Variants in KLC3 observed in about 807,000 individuals in gnomAD.
KLC3 encodes the protein kinesin light chain 2.
Under a neutral mutation model 62.9 loss-of-function variants are expected in KLC3, and 72 were observed. The ratio of observed to expected loss-of-function variants is 1.15; its 90% confidence interval spans 0.95 to 1.39. The LOEUF is 1.39. KLC3 is among the 40% of genes most tolerant of loss of function. The pLI is 0.00. For missense variants in KLC3, 848 were observed against 691.6 expected (o/e 1.23, Z -2.54); for synonymous variants, 377 against 300.5 (o/e 1.25, Z -2.63).
chr19:45,350,320 C>T, intron 8 of KLC3, 21 bp from the exon 9 acceptor site: 1 of 1,608,798 alleles, frequency 6.2e-7, no homozygotes, highest in Non-Finnish European at 8.5e-7. Flanking sequence ...GAAAAGTTCC[C>T]AGACACTCCC....
Position 45,345,682 on chromosome 19 carries a change from CCTGGCGGAGGCCCTGGCGGGACAG to C in KLC3, c.142_165del (p.Leu48_Gln55del), listed in dbSNP as rs1250042370. 1 of 1,576,262 alleles carries C rather than the reference CCTGGCGGAGGCCCTGGCGGGACAG, an allele frequency of 6.3e-7. No homozygotes were observed. Among genetic ancestry groups the C allele is most frequent in the African/African-American group, 1.3e-5 (1 of 74,456 alleles). On this transcript the variant is annotated inframe_deletion, in exon 2 of 13. Coordinates refer to ENST00000391946, the MANE Select transcript of KLC3 (RefSeq NM_177417.3). Reference sequence around the variant, plus strand: ...CAGAGCACCATGGCCTGGCTGGGCACCTGGCGGAGGCCCTGGCGGGACAGGGCCCGGCAGCCGGCTTGGAGATGC... The same window carrying C: ...CAGAGCACCATGGCCTGGCTGGGCACGGCCCGGCAGCCGGCTTGGAGATGC...
Position 45,346,644 on chromosome 19 carries a change from GGGAGGAACT to G in KLC3, c.366_374del (p.Leu123_Glu125del). 1 of 1,555,480 alleles carries G rather than the reference GGGAGGAACT, an allele frequency of 6.4e-7. No individual in the cohort carries two copies. Among genetic ancestry groups the G allele is most frequent in the Non-Finnish European group, 8.7e-7 (1 of 1,150,122 alleles). ...CTGGCCCAGGAGAACGTGTGGCTGC[GGGAGGAACT>G]GGAGGAGACGCAGCGGCGGCTTCGG... On this transcript the variant is annotated inframe_deletion, in exon 3 of 13. Coordinates refer to ENST00000391946, the MANE Select transcript of KLC3 (RefSeq NM_177417.3).
In KLC3 at chr19:45,345,647, G is replaced by A. The variant is rs376299711; in HGVS notation, c.106G>A (p.Ala36Thr). The A allele has an allele frequency of 2.5e-5, 39 of 1,584,168 alleles. No individual in the cohort carries two copies. In the African/African-American group the frequency reaches 4.0e-4, roughly 16 times the overall value. Residue 36 changes from alanine to threonine, a missense_variant, in exon 2 of 13, where the codon GCG (alanine) becomes ACG (threonine). By Grantham distance (58) the Ala-to-Thr change is moderately conservative (BLOSUM62 0). Transcript: ENST00000391946. ...GCGGCAAGTGGTCCAGGGGCTGGAG[G>A]CGCTGCGGGCAGAGCACCATGGCCT... ...QTRQVVQGLEALRAEHHGLAG... is the reference protein window; with the variant it reads ...QTRQVVQGLETLRAEHHGLAG...
At chr19:45,351,110 CAGCAGG>C in intron 12 of KLC3, 93 bp downstream of exon 12, 1 of 1,607,574 alleles carries the variant, frequency 6.2e-7, no homozygotes, top group Non-Finnish European at 8.5e-7. Context: ...GTGGTGGAGT[CAGCAGG>C]TGGTGGGTTG....
chr19:45,346,972 C>T (rs924720587), intron 3 of KLC3, 198 bp downstream of exon 3: 1 of 537,724 alleles, frequency 1.9e-6, no homozygotes, highest in African/African-American at 1.9e-5. Context: ...GACGCCCCCA[C>T]TAGCTACTCC....
In KLC3 at chr19:45,351,340, G is replaced by C. The variant is rs750562902; in HGVS notation, c.1498G>C (p.Asp500His). 3 of 1,611,590 alleles carry C rather than the reference G, an allele frequency of 1.9e-6. No homozygotes were observed. Among genetic ancestry groups the C allele is most frequent in the East Asian group, 2.2e-5 (1 of 44,884 alleles). Residue 500 changes from aspartate to histidine, a missense_variant, in exon 13 of 13, where the codon GAC (aspartate) becomes CAC (histidine). By Grantham distance (81) the Asp-to-His change is moderately conservative. Coordinates refer to ENST00000391946, the MANE Select transcript of KLC3 (RefSeq NM_177417.3). ...TCGGACCCTCAGCGCCAGCACCCAG[G>C]ACCTGAGCCCCCACTAACGTCCAGT... ...APRTLSASTQ[D>H]LSPH
intron 1 of KLC3, among the ~76,000 whole-genome samples, chr19:45,342,764 C>G (rs1198213740): frequency 6.6e-6 from 1 of 151,832 alleles, no homozygotes; most frequent in African/African-American, 2.4e-5. Flanking sequence ...GAGACTCAGT[C>G]TCAAAAAAAT....
intron 1 of KLC3, among the ~76,000 whole-genome samples, chr19:45,342,487 C>T (rs753032717): frequency 3.3e-5 from 5 of 152,070 alleles, no homozygotes; most frequent in East Asian, 3.9e-4. Context: ...TGGCTGGGCG[C>T]GGTAGCTCAC....
chr19:45,351,449 C>A lies in KLC3; in HGVS notation c.*92C>A. 2.5e-6 allele frequency: 4 copies of A among 1,583,082 alleles called. No homozygotes were observed. The highest frequency in any genetic ancestry group is 3.4e-6 in the Non-Finnish European group (4 of 1,168,018). ...AGAGGGGGTCTATCATCTCCTGGCCCCCCCTTGCCTCTGGGTACCTGGTGG... is the reference window on the plus strand; with the variant it reads ...AGAGGGGGTCTATCATCTCCTGGCCACCCCTTGCCTCTGGGTACCTGGTGG... On this transcript the variant is annotated 3_prime_UTR_variant, in exon 13 of 13. Transcript: ENST00000391946.
In KLC3 at chr19:45,348,038, G is replaced by C. The variant is rs776106874; in HGVS notation, c.657G>C (p.Gly219=). 7 of 1,605,488 alleles carry C rather than the reference G, an allele frequency of 4.4e-6. No homozygotes were observed. In the Admixed American group the frequency reaches 1.0e-4, roughly 23 times the overall value. ...TLHNLVIQYA[G]QGRYEVAVPL... Reference sequence around the variant, plus strand: ...ATAACCTCGTGATCCAGTACGCGGGGCAGGGCCGCTATGAGGTGGCGGTGC... The same window carrying C: ...ATAACCTCGTGATCCAGTACGCGGGCCAGGGCCGCTATGAGGTGGCGGTGC... The change falls in exon 5 of 13, where the codon GGG becomes GGC. Residue 219 remains glycine (G), a synonymous_variant. Transcript: ENST00000391946.
At chr19:45,347,769 A>T (rs571492118) in intron 4 of KLC3, among the ~76,000 whole-genome samples, 172 bp from the exon 5 acceptor site, 2 of 152,300 alleles carry the variant, frequency 1.3e-5, no homozygotes, top group South Asian at 4.1e-4. Flanking sequence ...GCCAGGATGC[A>T]TCCCACCAGC....
intron 1 of KLC3, among the ~76,000 whole-genome samples, chr19:45,343,943 A>G (rs1186830903): frequency 2.0e-5 from 3 of 151,954 alleles, no homozygotes; most frequent in Admixed American, 6.6e-5. Flanking sequence ...GGTTCAAGCA[A>G]TCCTTCTACC....
chr19:45,346,668 G>A lies in KLC3; in HGVS notation c.383G>A (p.Arg128Gln), dbSNP rs748598401. 1.2e-5 allele frequency: 18 copies of A among 1,557,830 alleles called. No homozygotes were observed. Among genetic ancestry groups the A allele is most frequent in the East Asian group, 4.9e-5 (2 of 41,186 alleles). The part of the protein sequence containing the change: ...WLREELEETQ[R>Q]RLRASEESVA... The stretch of plus-strand genomic sequence containing the variant: ...CGGGAGGAACTGGAGGAGACGCAGC[G>A]GCGGCTTCGGGCCAGCGAGGAGTCC... Residue 128 changes from arginine (R) to glutamine (Q), a missense_variant, in exon 3 of 13, where the codon CGG (arginine) becomes CAG (glutamine). Physicochemically the swap from Arg to Gln is conservative, Grantham distance 43 (BLOSUM62 1). Coordinates refer to ENST00000391946, the MANE Select transcript of KLC3 (RefSeq NM_177417.3).
intron 1 of KLC3, among the ~76,000 whole-genome samples, chr19:45,342,643 G>A (rs1971416915): frequency 6.6e-6 from 1 of 152,060 alleles, no homozygotes; most frequent in African/African-American, 2.4e-5. Flanking sequence ...GCGGGCACCT[G>A]TAATTCCAGC....
intron 5 of KLC3, among the ~76,000 whole-genome samples, 197 bp downstream of exon 5, chr19:45,348,357 G>A (rs1035652799): frequency 4.0e-5 from 6 of 151,246 alleles, no homozygotes; most frequent in Admixed American, 4.0e-4. Flanking sequence ...GATCTGGGGG[G>A]GCCACTGAGC....
chr19:45,346,327 G>A (rs1971489295), intron 2 of KLC3, among the ~76,000 whole-genome samples: 1 of 152,152 alleles, frequency 6.6e-6, no homozygotes, highest in African/African-American at 2.4e-5. Context: ...GCATTCTTCA[G>A]TAAACTGTGG....
intron 1 of KLC3, 178 bp from the exon 2 acceptor site, chr19:45,345,356 T>G: frequency 1.3e-6 from 1 of 749,306 alleles, no homozygotes; most frequent in Non-Finnish European, 2.2e-6. Flanking sequence ...CTGGGATGGG[T>G]GTGGAGACTG....
chr19:45,349,214 C>G (rs1212555554), intron 7 of KLC3, among the ~76,000 whole-genome samples: 1 of 152,154 alleles, frequency 6.6e-6, no homozygotes, highest in Non-Finnish European at 1.5e-5. Context: ...CCTGACCTAC[C>G]CATCTCACCC....
At chr19:45,350,227 GCCTGGGCAACATA>G (rs1971660506) in intron 8 of KLC3, 101 bp from the exon 9 acceptor site, 2 of 761,580 alleles carry the variant, frequency 2.6e-6, no homozygotes, top group African/African-American at 3.6e-5. Context: ...TTCAAGACCA[GCCTGGGCAACATA>G]CCAAGACCCC....
Sources: gnomAD v4.1 joint callset for allele counts (sites outside exome capture counted in the v4.1 genomes callset) on GRCh38, gnomAD v4.1.1 for gene constraint, MANE v1.5 for transcripts, NCBI Gene and HGNC (gene_info 2026-07-23, HGNC 2026-07-21) for gene names.